The following TSKS variants were observed in gnomAD, a reference collection of about 807,000 sequenced individuals.
The protein encoded by TSKS is testis specific serine kinase substrate.
TSKS carries 27 observed loss-of-function variants against 68.0 expected under a neutral mutation model. The ratio of observed to expected loss-of-function variants is 0.40; its 90% CI spans 0.29 to 0.55. TSKS has a LOEUF of 0.55. Ranked by LOEUF, TSKS falls within the 20% of genes least tolerant of loss-of-function variation. The pLI is 0.53. For missense variants in TSKS, 806 were observed against 776.0 expected, an observed-to-expected ratio of 1.04 and a Z score of -0.46; for synonymous variants, 331 against 340.4, an observed-to-expected ratio of 0.97 and a Z score of 0.30.
At chr19:49,744,860 G>A (rs1205084824) in intron 7 of TSKS, among the ~76,000 whole-genome samples, 2 of 152,164 alleles carry the variant, frequency 1.3e-5, no homozygotes, top group Non-Finnish European at 2.9e-5. Flanking sequence ...AATGTGCTGG[G>A]ATTATAGATG....
intron 6 of TSKS, among the ~76,000 whole-genome samples, chr19:49,745,883 G>A (rs1568561587): frequency 6.6e-6 from 1 of 152,172 alleles, no homozygotes; most frequent in East Asian, 1.9e-4. Flanking sequence ...CAGCCTTGTC[G>A]CCTTCCGGTT....
In TSKS at chr19:49,762,158, A is replaced by ACGTT; in HGVS notation, c.241_244dup (p.Val82GlufsTer14). On this transcript the variant is annotated frameshift_variant, in exon 2 of 11. Transcript: ENST00000246801. LOFTEE classifies it high-confidence loss of function. ...CATGGCGGCCAGGTTGAGCAGTGAC[A>ACGTT]CGTTGGTGCAGGCCGAGGACCGTTT... The ACGTT allele has an allele frequency of 6.2e-7, 1 of 1,614,114 alleles. No individual in the cohort carries two copies. Among genetic ancestry groups the ACGTT allele is most frequent in the Non-Finnish European group, 8.5e-7 (1 of 1,180,030 alleles).
chr19:49,744,112 G>C, intron 8 of TSKS, 119 bp downstream of exon 8: 1 of 1,055,336 alleles, frequency 9.5e-7, no homozygotes, highest in Non-Finnish European at 1.4e-6. Flanking sequence ...ACAATGCACT[G>C]GGATACCTTG....
At chr19:49,759,391 C>T (rs982566988) in intron 2 of TSKS, among the ~76,000 whole-genome samples, 2 of 150,762 alleles carry the variant, frequency 1.3e-5, no homozygotes, top group Non-Finnish European at 3.0e-5. Context: ...ATGGCTTGAA[C>T]CTGGGAGGTG....
intron 9 of TSKS, 138 bp from the exon 10 acceptor site, chr19:49,740,321 C>T (rs2084241926): frequency 4.5e-5 from 48 of 1,062,420 alleles, no homozygotes; most frequent in Non-Finnish European, 6.1e-5. Context: ...ATGCCTTGAG[C>T]TTGAGACTGA....
chr19:49,747,564 C>A, intron 4 of TSKS, 92 bp from the exon 5 acceptor site: 1 of 1,269,732 alleles, frequency 7.9e-7, no homozygotes, highest in Non-Finnish European at 1.1e-6. Context: ...GGCTCCAGGC[C>A]TCCTAGCCCC....
In TSKS at chr19:49,762,027, C is replaced by T. The variant is rs1459521808; in HGVS notation, c.376G>A (p.Asp126Asn). 1.2e-6 allele frequency: 2 copies of T among 1,613,964 alleles called. No homozygotes were observed. The highest frequency in any genetic ancestry group is 8.5e-7 in the Non-Finnish European group (1 of 1,179,938). ...ASPTLPWDPD[D>N]ADITEILSGV... ...ACCAGGATTTCCGTGATGTCTGCGT[C>T]ATCCGGATCCCAGGGTAGGGTAGGG... Residue 126 changes from aspartate to asparagine, a missense_variant, in exon 2 of 11, where the codon GAC becomes AAC. Coordinates refer to ENST00000246801, the MANE Select transcript of TSKS (RefSeq NM_021733.2).
At chr19:49,743,991 G>A (rs1339158828) in intron 8 of TSKS, among the ~76,000 whole-genome samples, 1 of 152,194 alleles carries the variant, frequency 6.6e-6, no homozygotes, top group Non-Finnish European at 1.5e-5. Flanking sequence ...ACAGGCGAGA[G>A]CCACCGCGCC....
At chr19:49,754,725 G>A (rs1410019244) in intron 2 of TSKS, among the ~76,000 whole-genome samples, 1 of 151,990 alleles carries the variant, frequency 6.6e-6, no homozygotes, top group Non-Finnish European at 1.5e-5. Context: ...ATAACTAAAG[G>A]AAATTGAGAG....
intron 6 of TSKS, 151 bp from the exon 7 acceptor site, chr19:49,745,547 G>T: frequency 1.7e-6 from 1 of 580,152 alleles, no homozygotes; most frequent in Non-Finnish European, 2.9e-6. Flanking sequence ...AAATTTTATT[G>T]CACCCTCCAT....
intron 8 of TSKS, among the ~76,000 whole-genome samples, chr19:49,742,997 CAG>C (rs2084264658): frequency 6.6e-6 from 1 of 152,110 alleles, no homozygotes; most frequent in Admixed American, 6.6e-5. Flanking sequence ...ACTTCCCCCT[CAG>C]TGCACTGAAA....
At position 49,744,405 on chromosome 19, in the gene TSKS, C is replaced by T; in HGVS notation, c.1188-1G>A. ...CACAGACACTGCTGACCGCTCCACC[C>T]TGAGGCATGAGTAACCAGTGCTGCT... On this transcript the variant is annotated splice_acceptor_variant, in intron 7 of 10. Coordinates refer to ENST00000246801, the MANE Select transcript of TSKS (RefSeq NM_021733.2). LOFTEE classifies it high-confidence loss of function. 1 of 1,612,028 alleles carries T rather than the reference C, an allele frequency of 6.2e-7. No homozygotes were observed. Among genetic ancestry groups the T allele is most frequent in the Non-Finnish European group, 8.5e-7 (1 of 1,178,244 alleles).
intron 7 of TSKS, among the ~76,000 whole-genome samples, chr19:49,744,885 G>T (rs2084283137): frequency 6.6e-6 from 1 of 152,068 alleles, no homozygotes; most frequent in African/African-American, 2.4e-5. Context: ...CCACCTCACT[G>T]GGCCACCTTT....
chr19:49,760,743 T>C (rs1281317744), intron 2 of TSKS, among the ~76,000 whole-genome samples: 2 of 151,990 alleles, frequency 1.3e-5, no homozygotes, highest in Non-Finnish European at 2.9e-5. Flanking sequence ...TGAGTTGTGA[T>C]TGTGCCACTG....
intron 2 of TSKS, among the ~76,000 whole-genome samples, chr19:49,749,025 C>T (rs191534027): frequency 1.3e-5 from 2 of 151,764 alleles, no homozygotes; most frequent in Non-Finnish European, 2.9e-5. Flanking sequence ...ATTGCACCAC[C>T]GTACTCCAAT....
intron 2 of TSKS, among the ~76,000 whole-genome samples, chr19:49,753,561 C>CAATAATAAT (rs59369964): frequency 0.048 from 6,504 of 136,088 alleles, 246 homozygotes; most frequent in African/African-American, 0.1. Context: ...GACTCCATCT[C>CAATAATAAT]AATAATAATA....
chr19:49,743,641 G>A (rs1027138105), intron 8 of TSKS, among the ~76,000 whole-genome samples: 31 of 151,868 alleles, frequency 2.0e-4, no homozygotes, highest in Non-Finnish European at 3.2e-4. Context: ...GGGACTACAG[G>A]CACCCGCCAC....
chr19:49,744,946 C>T (rs1179809318), intron 7 of TSKS, among the ~76,000 whole-genome samples: 4 of 152,110 alleles, frequency 2.6e-5, no homozygotes, highest in East Asian at 1.9e-4. Flanking sequence ...TTGATTTTCT[C>T]GGATCCCACT....
intron 2 of TSKS, among the ~76,000 whole-genome samples, chr19:49,751,041 C>A (rs145233248): frequency 6.6e-6 from 1 of 152,014 alleles, no homozygotes; most frequent in African/African-American, 2.4e-5. Flanking sequence ...CAGTGGCTCA[C>A]ACCTGTAATC....
Sources: gnomAD v4.1 joint callset for allele counts (sites outside exome capture counted in the v4.1 genomes callset) on GRCh38, gnomAD v4.1.1 for gene constraint, MANE v1.5 for transcripts, NCBI Gene and HGNC (gene_info 2026-07-23, HGNC 2026-07-21) for gene names.